ARHGAP6: variants seen among roughly 807,000 people sequenced by gnomAD.
The protein encoded by ARHGAP6 is rho GTPase-activating protein 6.
A neutral mutation model predicts 55.7 loss-of-function variants in ARHGAP6; 16 were observed. That is an observed-to-expected ratio of 0.29 (90% CI 0.19 to 0.44). The LOEUF (loss-of-function observed/expected upper bound fraction) is 0.44. ARHGAP6 is among the 20% of genes least tolerant of loss of function. The pLI is 1.00. For synonymous variants in ARHGAP6, 382 were observed against 360.9 expected (o/e 1.06, Z -0.66); for missense variants, 698 against 808.9 (o/e 0.86, Z 1.66).
chrX:11,335,664 A>C, intron 1 of ARHGAP6: 1 of 294,163 alleles, frequency 3.4e-6, no homozygotes, highest in South Asian at 3.6e-5. Flanking sequence ...CTGTTGTCTA[A>C]ATTTTTTATG....
intron 1 of ARHGAP6, among the ~76,000 whole-genome samples, chrX:11,505,280 G>A (rs2050720169): frequency 9.0e-6 from 1 of 111,040 alleles, no homozygotes; most frequent in African/African-American, 3.3e-5. Flanking sequence ...CTATTATTGA[G>A]TGTTATAACA....
At chrX:11,368,904 A>G (rs2049113466) in intron 1 of ARHGAP6, among the ~76,000 whole-genome samples, 1 of 112,123 alleles carries the variant, frequency 8.9e-6, no homozygotes, top group African/African-American at 3.2e-5. Context: ...TTTACAGTCT[A>G]AAAAATCCTG....
intron 1 of ARHGAP6, among the ~76,000 whole-genome samples, chrX:11,512,246 T>G (rs764825629): frequency 8.0e-5 from 9 of 112,069 alleles, no homozygotes; most frequent in African/African-American, 2.6e-4. Flanking sequence ...AGGGTAAACC[T>G]TAGGCCTTTC....
At chrX:11,635,162 A>G (rs2052403946) in intron 1 of ARHGAP6, among the ~76,000 whole-genome samples, 1 of 112,153 alleles carries the variant, frequency 8.9e-6, no homozygotes, top group Non-Finnish European at 1.9e-5. Context: ...TGACCTCATC[A>G]TGTAAGTGAT....
intron 1 of ARHGAP6, among the ~76,000 whole-genome samples, chrX:11,407,450 T>C (rs778865444): frequency 8.9e-6 from 1 of 112,596 alleles, no homozygotes; most frequent in Non-Finnish European, 1.9e-5. Flanking sequence ...GAATAATGCA[T>C]GTGCATTCAT....
At chrX:11,312,464 T>C (rs756504430) in intron 1 of ARHGAP6, among the ~76,000 whole-genome samples, 1 of 111,956 alleles carries the variant, frequency 8.9e-6, no homozygotes, top group South Asian at 3.7e-4. Context: ...AAACCAATCA[T>C]CTTTGTGTTT....
intron 10 of ARHGAP6, among the ~76,000 whole-genome samples, chrX:11,153,046 G>C (rs980545164): frequency 9.0e-6 from 1 of 111,524 alleles, no homozygotes; most frequent in African/African-American, 3.3e-5. Flanking sequence ...AAGTCTGAAA[G>C]CTCCTAAAAG....
At chrX:11,664,162 A>G in intron 1 of ARHGAP6, 79 bp downstream of exon 1, 1 of 943,174 alleles carries the variant, frequency 1.1e-6, no homozygotes, top group Non-Finnish European at 1.4e-6. Flanking sequence ...CTGTAAATGT[A>G]ATGGAATTAA....
intron 1 of ARHGAP6, among the ~76,000 whole-genome samples, chrX:11,564,447 T>G (rs1425423787): frequency 9.0e-6 from 1 of 111,291 alleles, no homozygotes; most frequent in Non-Finnish European, 1.9e-5. Flanking sequence ...GTACTTTTTA[T>G]TTGACTTATC....
At chrX:11,260,389 T>A (rs2047543507) in intron 1 of ARHGAP6, among the ~76,000 whole-genome samples, 1 of 111,530 alleles carries the variant, frequency 9.0e-6, no homozygotes, top group Non-Finnish European at 1.9e-5. Context: ...AAAAAGTAGG[T>A]TTTGACCTTC....
At chrX:11,274,094 T>C (rs1333182123) in intron 1 of ARHGAP6, among the ~76,000 whole-genome samples, 3 of 111,513 alleles carry the variant, frequency 2.7e-5, no homozygotes, top group African/African-American at 9.8e-5. Context: ...CTATGCTACT[T>C]TTCTGCACCT....
chrX:11,663,944 G>A (rs1410717971), intron 1 of ARHGAP6, among the ~76,000 whole-genome samples: 1 of 112,701 alleles, frequency 8.9e-6, no homozygotes. Context: ...GAAGGGATAA[G>A]GTGACCCTTT....
intron 11 of ARHGAP6, chrX:11,142,591 G>A (rs1214173682): frequency 7.3e-6 from 1 of 137,225 alleles, no homozygotes; most frequent in Non-Finnish European, 1.5e-5. Flanking sequence ...TTTTCGAAAA[G>A]GGCTTTGCAG....
At chrX:11,452,608 T>C (rs2050154175) in intron 1 of ARHGAP6, among the ~76,000 whole-genome samples, 1 of 112,161 alleles carries the variant, frequency 8.9e-6, no homozygotes, top group Non-Finnish European at 1.9e-5. Context: ...TTACTGTTCT[T>C]TTTACAAAAA....
In ARHGAP6 at chrX:11,203,161, G is replaced by A. The variant is rs182406406; in HGVS notation, c.749-6165C>T. 4.0e-3 allele frequency among the ~76,000 whole-genome samples: 449 copies of A among 111,552 alleles called. 2 individuals are homozygous for A. Among genetic ancestry groups the A allele is most frequent in the African/African-American group, 0.014 (423 of 30,729 alleles). ...ACTTTGGGCTCCTGTTGATTTCCTC[G>A]CTCTGGATACTTCCCCCGGGATATA... On this transcript the variant is annotated intron_variant, in intron 2 of 12. Coordinates refer to ENST00000337414, the MANE Select transcript of ARHGAP6 (RefSeq NM_013427.3).
chrX:11,605,480 C>T (rs922487756), intron 1 of ARHGAP6, among the ~76,000 whole-genome samples: 1 of 111,218 alleles, frequency 9.0e-6, no homozygotes, highest in Admixed American at 9.5e-5. Context: ...TGGCAGTGGG[C>T]GTGGCAGCTA....
Position 11,218,809 on chromosome X carries a change from T to A in ARHGAP6, c.749-21813A>T, listed in dbSNP as rs2046917922. ...TATTTCTGTGGCATCAGTAGTGATA[T>A]CCCCTTGATCATTTTTTATTGTGTC... On this transcript the variant is annotated intron_variant, in intron 2 of 12. Coordinates refer to ENST00000337414, the MANE Select transcript of ARHGAP6 (RefSeq NM_013427.3). 2.7e-5 allele frequency among the ~76,000 whole-genome samples: 3 copies of A among 111,790 alleles called. No individual in the cohort carries two copies. In the South Asian group the frequency reaches 1.1e-3, roughly 42 times the overall value.
intron 1 of ARHGAP6, among the ~76,000 whole-genome samples, chrX:11,476,096 C>G (rs1241084702): frequency 9.5e-6 from 1 of 104,894 alleles, no homozygotes; most frequent in Non-Finnish European, 2.0e-5. Context: ...AAATACTAAG[C>G]TTTTTTTTTT....
intron 1 of ARHGAP6, among the ~76,000 whole-genome samples, chrX:11,449,994 T>C (rs1232076256): frequency 9.0e-6 from 1 of 111,202 alleles, no homozygotes; most frequent in Non-Finnish European, 1.9e-5. Flanking sequence ...CTGACAGAAA[T>C]GGCTGATGAG....
Sources: allele counts gnomAD v4.1 joint callset (sites outside exome capture counted in the v4.1 genomes callset), GRCh38; gene constraint gnomAD v4.1.1; transcripts MANE v1.5; gene names NCBI Gene and HGNC (gene_info 2026-07-23, HGNC 2026-07-21).